Variants in MEI4 observed in about 807,000 individuals in gnomAD.
The protein encoded by MEI4 is meiosis-specific protein MEI4.
In MEI4, 27 loss-of-function variants were observed where a neutral mutation model predicts 31.4. The observed-to-expected ratio is 0.86, with a 90% CI of 0.63 to 1.19. The LOEUF is 1.19. MEI4 is among the 50% of genes most tolerant of loss of function. The pLI is 0.00. For synonymous variants in MEI4, 122 were observed against 145.4 expected (o/e 0.84, Z 1.16); for missense variants, 329 against 398.9 (o/e 0.82, Z 1.49).
At chr6:77,780,965 C>A (rs549459977) in intron 3 of MEI4, among the ~76,000 whole-genome samples, 1 of 152,172 alleles carries the variant, frequency 6.6e-6, no homozygotes, top group African/African-American at 2.4e-5. Context: ...TAGCTCATTG[C>A]AGCCTTGAAC....
At chr6:77,785,607 T>C (rs1314031465) in intron 3 of MEI4, among the ~76,000 whole-genome samples, 1 of 152,184 alleles carries the variant, frequency 6.6e-6, no homozygotes, top group African/African-American at 2.4e-5. Context: ...GCAAGGATAT[T>C]GTGTATGTTT....
intron 2 of MEI4, among the ~76,000 whole-genome samples, chr6:77,727,966 A>G (rs1283762111): frequency 4.6e-5 from 7 of 152,218 alleles, no homozygotes; most frequent in Non-Finnish European, 8.8e-5. Flanking sequence ...AGACTAATCA[A>G]TGCCCACATA....
At chr6:77,691,973 C>T (rs1379200889) in intron 2 of MEI4, among the ~76,000 whole-genome samples, 2 of 152,008 alleles carry the variant, frequency 1.3e-5, no homozygotes, top group Non-Finnish European at 2.9e-5. Context: ...TCTTCCCTGG[C>T]TTTTAATTAG....
intron 2 of MEI4, among the ~76,000 whole-genome samples, chr6:77,748,081 G>A (rs1269134098): frequency 6.6e-6 from 1 of 152,196 alleles, no homozygotes; most frequent in East Asian, 1.9e-4. Context: ...GTAGCATTCA[G>A]TGCCCATGGC....
chr6:77,871,824 A>C (rs1254494097), intron 4 of MEI4, among the ~76,000 whole-genome samples: 1 of 152,194 alleles, frequency 6.6e-6, no homozygotes, highest in Non-Finnish European at 1.5e-5. Flanking sequence ...CTTCCTCAAG[A>C]TTTTAAAGTG....
At chr6:77,744,529 A>G (rs1767524921) in intron 2 of MEI4, among the ~76,000 whole-genome samples, 3 of 152,336 alleles carry the variant, frequency 2.0e-5, no homozygotes, top group Admixed American at 2.0e-4. Flanking sequence ...AATGGAACCA[A>G]GTTGGAAAAC....
At chr6:77,920,186 G>A (rs1175680647) in intron 4 of MEI4, among the ~76,000 whole-genome samples, 2 of 151,628 alleles carry the variant, frequency 1.3e-5, no homozygotes, top group African/African-American at 2.4e-5. Flanking sequence ...GCCTGGCAGA[G>A]ACACCACCAA....
intron 2 of MEI4, among the ~76,000 whole-genome samples, chr6:77,711,676 T>A (rs1305087838): frequency 6.6e-6 from 1 of 152,164 alleles, no homozygotes; most frequent in Non-Finnish European, 1.5e-5. Flanking sequence ...CTCCCTTGAG[T>A]GAATACGGAG....
intron 3 of MEI4, among the ~76,000 whole-genome samples, chr6:77,782,195 A>T (rs1440026380): frequency 6.6e-6 from 1 of 152,122 alleles, no homozygotes; most frequent in African/African-American, 2.4e-5. Context: ...TTAAACTGTT[A>T]GTTAGGATTA....
chr6:77,798,234 G>A (rs1200755913), intron 3 of MEI4, among the ~76,000 whole-genome samples: 1 of 151,280 alleles, frequency 6.6e-6, no homozygotes, highest in East Asian at 1.9e-4. Flanking sequence ...AGTAAAGAAG[G>A]AAGAGTGGAA....
intron 3 of MEI4, among the ~76,000 whole-genome samples, chr6:77,777,146 A>G (rs1768469875): frequency 6.6e-6 from 1 of 152,208 alleles, no homozygotes; most frequent in Non-Finnish European, 1.5e-5. Flanking sequence ...AACTTTTTTA[A>G]AAAGGCACAA....
chr6:77,700,438 T>C (rs1349850681), intron 2 of MEI4, among the ~76,000 whole-genome samples: 1 of 152,188 alleles, frequency 6.6e-6, no homozygotes, highest in Non-Finnish European at 1.5e-5. Flanking sequence ...TTTAAGCCCG[T>C]TGGAAAAGCG....
intron 2 of MEI4, among the ~76,000 whole-genome samples, chr6:77,693,175 C>T (rs1191839437): frequency 1.3e-5 from 2 of 152,090 alleles, no homozygotes; most frequent in African/African-American, 4.8e-5. Flanking sequence ...TAGTATTACA[C>T]AATTTACAGC....
At chr6:77,777,604 A>C (rs888837712) in intron 3 of MEI4, among the ~76,000 whole-genome samples, 4 of 152,174 alleles carry the variant, frequency 2.6e-5, no homozygotes, top group Non-Finnish European at 5.9e-5. Flanking sequence ...ATCATCCTAC[A>C]CTAAAGCTTA....
At position 77,910,749 on chromosome 6, in the gene MEI4, G is replaced by A. The variant is rs189819615; in HGVS notation, c.901-12340G>A. Among the ~76,000 whole-genome samples the A allele has an allele frequency of 2.2e-3, 342 of 152,134 alleles. 3 individuals are homozygous for A. The highest frequency in any genetic ancestry group is 7.6e-3 in the African/African-American group (315 of 41,532). ...AACATGGTGATGCAGGTATCCTTTT[G>A]AGATACTGATTTAATTTCCTTTGGA... On this transcript the variant is annotated intron_variant, in intron 4 of 4. Transcript: ENST00000684080.
intron 3 of MEI4, among the ~76,000 whole-genome samples, chr6:77,791,291 A>C (rs1561989884): frequency 6.6e-6 from 1 of 152,134 alleles, no homozygotes; most frequent in Non-Finnish European, 1.5e-5. Context: ...GAAATCTCCA[A>C]CAATGATAGA....
chr6:77,789,067 T>G (rs1768837825), intron 3 of MEI4, among the ~76,000 whole-genome samples: 1 of 152,118 alleles, frequency 6.6e-6, no homozygotes, highest in Non-Finnish European at 1.5e-5. Context: ...TGTAGACCAA[T>G]GGAACCAGAA....
intron 4 of MEI4, among the ~76,000 whole-genome samples, chr6:77,877,083 T>C (rs1300089762): frequency 6.6e-6 from 1 of 152,046 alleles, no homozygotes; most frequent in East Asian, 1.9e-4. Context: ...TAAGAAAAAA[T>C]GGAGTTTAAA....
Position 77,671,048 on chromosome 6 carries a change from ATTG to A in MEI4, c.-15+17962_-15+17964del, listed in dbSNP as rs1272930726. Among the ~76,000 whole-genome samples the A allele has an allele frequency of 1.3e-4, 19 of 144,998 alleles. No homozygotes were observed. In the East Asian group the frequency reaches 1.5e-3, roughly 11 times the overall value. On this transcript the variant is annotated intron_variant, in intron 1 of 4. Coordinates refer to ENST00000684080, the MANE Select transcript of MEI4 (RefSeq NM_001322247.2). ...AAAGGTACAGTTGGCAAATTTGTGA[ATTG>A]TTGTTTTTTTTTTTTTTTTTTTTTG...
Sources: gnomAD v4.1 joint callset for allele counts (sites outside exome capture counted in the v4.1 genomes callset) on GRCh38, gnomAD v4.1.1 for gene constraint, MANE v1.5 for transcripts, NCBI Gene and HGNC (gene_info 2026-07-23, HGNC 2026-07-21) for gene names.